PCLO: variants seen among roughly 807,000 people sequenced by gnomAD.
PCLO encodes the protein piccolo presynaptic cytomatrix protein, also known as protein piccolo.
A neutral mutation model predicts 427.5 loss-of-function variants in PCLO; 82 were observed. The ratio of observed to expected loss-of-function variants is 0.19; its 90% CI spans 0.16 to 0.23. The LOEUF is 0.23. Ranked by LOEUF, PCLO falls within the 10% of genes least tolerant of loss-of-function variation. PCLO has a pLI of 1.00. For missense variants in PCLO, 6,239 were observed against 6,115.9 expected, an observed-to-expected ratio of 1.02 and a Z score of -0.67; for synonymous variants, 2,357 against 2,155.4, an observed-to-expected ratio of 1.09 and a Z score of -2.59.
intron 3 of PCLO, among the ~76,000 whole-genome samples, chr7:83,123,051 T>C (rs1371584183): frequency 6.6e-6 from 1 of 152,122 alleles, no homozygotes; most frequent in Admixed American, 6.5e-5. Flanking sequence ...AAAATGTCCA[T>C]ACTACCCAAA....
At chr7:83,080,275 T>C (rs570990879) in intron 3 of PCLO, among the ~76,000 whole-genome samples, 67 of 152,304 alleles carry the variant, frequency 4.4e-4, no homozygotes, top group Non-Finnish European at 5.6e-4. Context: ...TTTCTGGTTC[T>C]AGATATCTGA....
At chr7:83,107,986 T>TAAAAAAAA (rs58192300) in intron 3 of PCLO, among the ~76,000 whole-genome samples, 1 of 95,400 alleles carries the variant, frequency 1.0e-5, no homozygotes, top group Non-Finnish European at 2.2e-5. Flanking sequence ...AGACTCCGTC[T>TAAAAAAAA]AAAAAAAAAA....
chr7:83,055,472 TG>T, intron 3 of PCLO, among the ~76,000 whole-genome samples: 1 of 152,254 alleles, frequency 6.6e-6, no homozygotes, highest in East Asian at 1.9e-4. Context: ...ATTATTTAGT[TG>T]ATCTATTGCC....
At position 82,925,540 on chromosome 7, in the gene PCLO, C is replaced by T. The variant is rs115696888; in HGVS notation, c.11113-8667G>A. Among the ~76,000 whole-genome samples the T allele has an allele frequency of 6.6e-3, 1,001 of 152,118 alleles. 8 individuals carry two copies. Among genetic ancestry groups the T allele is most frequent in the African/African-American group, 0.023 (965 of 41,492 alleles). ...AGCTTCCTGTTTTTAGATAAAATCA[C>T]AGTTAAATATAGAAATATTCAGCAG... is the stretch of plus-strand genomic sequence containing the variant. On this transcript the variant is annotated intron_variant, in intron 6 of 24. Coordinates refer to ENST00000333891, the MANE Select transcript of PCLO (RefSeq NM_033026.6).
chr7:82,875,863 A>T (rs1793356805), intron 10 of PCLO, among the ~76,000 whole-genome samples: 1 of 152,156 alleles, frequency 6.6e-6, no homozygotes, highest in Non-Finnish European at 1.5e-5. Context: ...GTCTGTGATA[A>T]GAGAAATGAA....
intron 3 of PCLO, among the ~76,000 whole-genome samples, chr7:82,981,004 C>G (rs1796135391): frequency 6.6e-6 from 1 of 152,028 alleles, no homozygotes; most frequent in African/African-American, 2.4e-5. Flanking sequence ...AGCTAGTAAG[C>G]AGATCTCAGA....
chr7:82,803,741 A>G (rs1202507602), intron 21 of PCLO, among the ~76,000 whole-genome samples: 1 of 152,174 alleles, frequency 6.6e-6, no homozygotes, highest in Non-Finnish European at 1.5e-5. Flanking sequence ...AGCCCAAGCT[A>G]TAATTTTATT....
At chr7:83,122,286 C>CTTTTTTTTTTTTTTTTTTTTT (rs71074624) in intron 3 of PCLO, among the ~76,000 whole-genome samples, 62 of 128,278 alleles carry the variant, frequency 4.8e-4, no homozygotes, top group Non-Finnish European at 7.6e-4. Context: ...CTTTTCTTTT[C>CTTTTTTTTTTTTTTTTTTTTT]TTTTTTTTTT....
chr7:83,068,368 T>C (rs1170064476), intron 3 of PCLO, among the ~76,000 whole-genome samples: 8 of 152,014 alleles, frequency 5.3e-5, no homozygotes, highest in Admixed American at 5.2e-4. Flanking sequence ...TTATAAGGGA[T>C]TAATATCCAA....
At chr7:82,799,919 T>G (rs1791307783) in intron 22 of PCLO, among the ~76,000 whole-genome samples, 1 of 152,194 alleles carries the variant, frequency 6.6e-6, no homozygotes, top group African/African-American at 2.4e-5. Flanking sequence ...TGCTAGTCAT[T>G]TGTTTCCTCT....
chr7:82,819,997 C>T (rs1791756418), intron 20 of PCLO, among the ~76,000 whole-genome samples: 1 of 152,040 alleles, frequency 6.6e-6, no homozygotes, highest in Non-Finnish European at 1.5e-5. Context: ...TAGCTTCATT[C>T]CTTGTCACTG....
At chr7:83,043,147 C>T (rs148644105) in intron 3 of PCLO, among the ~76,000 whole-genome samples, 1 of 152,262 alleles carries the variant, frequency 6.6e-6, no homozygotes, top group East Asian at 1.9e-4. Context: ...TCAAAAATGC[C>T]TCCAGACATT....
chr7:82,950,342 C>G lies in PCLO; in HGVS notation c.10246G>C (p.Gly3416Arg). ...EEKQPKKRSS[G>R]AKVRGQYDDM... is the part of the protein sequence containing the mutation. ...TCATACTGTCCTCGGACTTTAGCTC[C>G]AGAACTTCTCTTTTTGGGTTGTTTT... The change falls in exon 6 of 25, where the codon GGA becomes CGA. Residue 3416 changes from glycine (G) to arginine (R), a missense_variant. Physicochemically the swap from Gly to Arg is moderately radical, Grantham distance 125. Coordinates refer to ENST00000333891, the MANE Select transcript of PCLO (RefSeq NM_033026.6). 2 of 1,613,644 alleles carry G rather than the reference C, an allele frequency of 1.2e-6. No individual in the cohort carries two copies. Among genetic ancestry groups the G allele is most frequent in the Non-Finnish European group, 1.7e-6 (2 of 1,179,846 alleles).
intron 16 of PCLO, among the ~76,000 whole-genome samples, chr7:82,833,429 C>G (rs930146681): frequency 6.6e-6 from 1 of 152,130 alleles, no homozygotes; most frequent in Non-Finnish European, 1.5e-5. Context: ...ACGACCCAGA[C>G]CTTTTCCTAG....
intron 22 of PCLO, among the ~76,000 whole-genome samples, chr7:82,774,331 G>A (rs959665277): frequency 2.6e-5 from 4 of 152,106 alleles, no homozygotes; most frequent in South Asian, 2.1e-4. Context: ...GACTTGTGAT[G>A]CCACTTTTGG....
At chr7:82,882,846 T>C (rs1357612059) in intron 9 of PCLO, among the ~76,000 whole-genome samples, 1 of 152,090 alleles carries the variant, frequency 6.6e-6, no homozygotes, top group Non-Finnish European at 1.5e-5. Context: ...ATCTTTACAT[T>C]TGCATTTAAA....
chr7:82,974,951 G>A (rs1795984781), intron 3 of PCLO, among the ~76,000 whole-genome samples: 1 of 151,810 alleles, frequency 6.6e-6, no homozygotes, highest in African/African-American at 2.4e-5. Flanking sequence ...GCTAATTTTT[G>A]CATTTTTAGT....
rs1431826807 is a variant in PCLO, at chr7:82,954,911, A to G, written c.6042T>C (p.Phe2014=). 1 of 1,613,672 alleles carries G rather than the reference A, an allele frequency of 6.2e-7. No individual in the cohort carries two copies. Among genetic ancestry groups the G allele is most frequent in the East Asian group, 2.2e-5 (1 of 44,878 alleles). ...MQKITDLQKE[F]YELESLHSVV... ...CAGAATGTAAGCTTTCTAACTCATA[A>G]AACTCTTTCTGGAGGTCTGTAATTT... The change falls in exon 5 of 25, where the codon TTT becomes TTC. Residue 2014 remains phenylalanine, a synonymous_variant. Coordinates refer to ENST00000333891, the MANE Select transcript of PCLO (RefSeq NM_033026.6).
Position 82,953,657 on chromosome 7 carries a change from T to C in PCLO, c.7296A>G (p.Ser2432=), listed in dbSNP as rs539000884. The C allele has an allele frequency of 7.9e-6, 12 of 1,515,308 alleles. 1 individual carries two copies. In the South Asian group the frequency reaches 1.4e-4, roughly 18 times the overall value. 93.9% of individuals were successfully genotyped at this position (1,515,308 alleles called of 1,614,324 possible). Residue 2432 remains serine (S), a synonymous_variant, in exon 5 of 25, where the codon TCA becomes TCG. Transcript: ENST00000333891. ...TTTTAGGAAGAATAGTTGGTTTAGG[T>C]GAAGTTGGTGGAGGAAGTGGTGGGG... is the stretch of plus-strand genomic sequence containing the variant. The part of the protein sequence containing the change: ...PPPPPLPPPT[S]PKPTILPKKK...
Sources: gnomAD v4.1 joint callset for allele counts (sites outside exome capture counted in the v4.1 genomes callset) on GRCh38, gnomAD v4.1.1 for gene constraint, MANE v1.5 for transcripts, NCBI Gene and HGNC (gene_info 2026-07-23, HGNC 2026-07-21) for gene names.